FSTL4: variants seen among roughly 807,000 people sequenced by gnomAD.
The protein encoded by FSTL4 is follistatin-related protein 4.
A neutral mutation model predicts 78.2 loss-of-function variants in FSTL4; 28 were observed. That is an observed-to-expected ratio of 0.36 (90% CI 0.27 to 0.49). The LOEUF is 0.49. Ranked by LOEUF, FSTL4 falls within the 20% of genes least tolerant of loss-of-function variation. FSTL4 has a pLI of 0.98. For missense variants in FSTL4, 922 were observed against 1,084.9 expected (o/e 0.85, Z 2.11); for synonymous variants, 422 against 440.5 (o/e 0.96, Z 0.53).
At chr5:133,302,220 G>A (rs1299783547) in intron 6 of FSTL4, among the ~76,000 whole-genome samples, 2 of 152,018 alleles carry the variant, frequency 1.3e-5, no homozygotes, top group Non-Finnish European at 1.5e-5. Context: ...ACATATGGCC[G>A]TTACATGTGC....
chr5:133,558,608 C>G (rs1759847095), intron 3 of FSTL4, among the ~76,000 whole-genome samples: 2 of 152,102 alleles, frequency 1.3e-5, no homozygotes, highest in Non-Finnish European at 2.9e-5. Flanking sequence ...AAGCAACATT[C>G]AACATTTTGT....
chr5:133,379,616 C>A (rs13186427), intron 4 of FSTL4, among the ~76,000 whole-genome samples: 1 of 151,916 alleles, frequency 6.6e-6, no homozygotes, highest in African/African-American at 2.4e-5. Context: ...TTCACAGATA[C>A]GTGGAAATTA....
chr5:133,644,551 C>T, the FSTL4 span, among the ~76,000 whole-genome samples: 3 of 152,112 alleles, frequency 2.0e-5, no homozygotes, highest in South Asian at 4.2e-4. Context: ...GGGAAACCAC[C>T]GTGATGGTCC....
chr5:133,234,277 A>G (rs1396334626), intron 7 of FSTL4, among the ~76,000 whole-genome samples: 2 of 152,210 alleles, frequency 1.3e-5, no homozygotes, highest in Admixed American at 1.3e-4. Flanking sequence ...AGGAACATCA[A>G]AGAGCACTAG....
At chr5:133,797,227 C>T in the FSTL4 span, among the ~76,000 whole-genome samples, 1 of 152,176 alleles carries the variant, frequency 6.6e-6, no homozygotes, top group Non-Finnish European at 1.5e-5. Flanking sequence ...GGAAGGTAGA[C>T]ATTGATTGGC....
the FSTL4 span, among the ~76,000 whole-genome samples, chr5:133,701,097 T>C: frequency 1.3e-5 from 2 of 152,064 alleles, no homozygotes; most frequent in Non-Finnish European, 1.5e-5. Context: ...GGACATTCCA[T>C]ATTGAATAGA....
chr5:133,504,403 A>G (rs1758569213), intron 3 of FSTL4, among the ~76,000 whole-genome samples: 1 of 152,156 alleles, frequency 6.6e-6, no homozygotes, highest in Non-Finnish European at 1.5e-5. Flanking sequence ...CCATTGTACT[A>G]TTCCAAACCA....
At chr5:133,462,505 AG>A (rs1757612519) in intron 3 of FSTL4, among the ~76,000 whole-genome samples, 1 of 152,244 alleles carries the variant, frequency 6.6e-6, no homozygotes. Flanking sequence ...GCACATGTGG[AG>A]GATGCAGGGG....
chr5:133,511,205 T>G (rs923301728), intron 3 of FSTL4, among the ~76,000 whole-genome samples: 2 of 152,174 alleles, frequency 1.3e-5, no homozygotes, highest in Non-Finnish European at 2.9e-5. Context: ...GTGGCACAAG[T>G]GGTCTGCCAT....
At chr5:133,474,345 G>A (rs1757885502) in intron 3 of FSTL4, among the ~76,000 whole-genome samples, 1 of 152,042 alleles carries the variant, frequency 6.6e-6, no homozygotes, top group Non-Finnish European at 1.5e-5. Context: ...AGAACTGCAA[G>A]TGCCAGTGCC....
chr5:133,427,449 G>C, intron 3 of FSTL4: 2 of 346,868 alleles, frequency 5.8e-6, no homozygotes, highest in Middle Eastern at 1.2e-3. Context: ...GCCTTCTCCA[G>C]ACCTCCCAAG....
chr5:133,604,793 C>A (rs1244864933), intron 1 of FSTL4, among the ~76,000 whole-genome samples: 1 of 152,186 alleles, frequency 6.6e-6, no homozygotes, highest in Admixed American at 6.5e-5. Context: ...AGACAGTGAG[C>A]TTCAAAATGG....
chr5:133,330,915 A>C (rs1754330408), intron 4 of FSTL4, among the ~76,000 whole-genome samples: 1 of 152,174 alleles, frequency 6.6e-6, no homozygotes, highest in Admixed American at 6.5e-5. Flanking sequence ...TATGTGCTGA[A>C]GTGTGAGTGT....
the FSTL4 span, among the ~76,000 whole-genome samples, chr5:133,625,077 T>G: frequency 1.3e-5 from 2 of 151,832 alleles, no homozygotes. Context: ...TATGGGTCTT[T>G]AATGTTTTTT....
intron 4 of FSTL4, among the ~76,000 whole-genome samples, chr5:133,359,133 C>T (rs866156337): frequency 4.6e-5 from 7 of 152,206 alleles, no homozygotes; most frequent in South Asian, 4.1e-4. Flanking sequence ...TTGGTCCTTC[C>T]CTTCTCCTAT....
chr5:133,607,116 G>A (rs1760993466), intron 1 of FSTL4, among the ~76,000 whole-genome samples: 1 of 152,132 alleles, frequency 6.6e-6, no homozygotes, highest in Non-Finnish European at 1.5e-5. Context: ...AAATACTCCT[G>A]GGCAGCTTGT....
At chr5:133,530,438 C>G (rs1759227612) in intron 3 of FSTL4, among the ~76,000 whole-genome samples, 1 of 152,202 alleles carries the variant, frequency 6.6e-6, no homozygotes, top group Non-Finnish European at 1.5e-5. Context: ...TTCTCAGGGC[C>G]CACGTGTAAT....
At chr5:133,498,898 G>A (rs1007855319) in intron 3 of FSTL4, among the ~76,000 whole-genome samples, 3 of 152,006 alleles carry the variant, frequency 2.0e-5, no homozygotes, top group African/African-American at 4.8e-5. Flanking sequence ...CAGAACTAGA[G>A]ATGGGAGTAG....
rs1353663790 is a variant in FSTL4, at chr5:133,234,832, TC to T, written c.895-1296del. ...GCCTGCCTTATGTGGTGTTGGGAGA[TC>T]CGGTGAGAAAATGCATGTGAGTGTA... On this transcript the variant is annotated intron_variant, in intron 7 of 15. Transcript: ENST00000265342. 2.6e-5 allele frequency among the ~76,000 whole-genome samples: 4 copies of T among 152,330 alleles called. No individual in the cohort carries two copies. The East Asian group carries it at 7.7e-4, about 29-fold the overall frequency.
Sources: allele counts gnomAD v4.1 joint callset (sites outside exome capture counted in the v4.1 genomes callset), GRCh38; gene constraint gnomAD v4.1.1; transcripts MANE v1.5; gene names NCBI Gene and HGNC (gene_info 2026-07-23, HGNC 2026-07-21).